The following GIPC2 variants were observed in gnomAD, a reference collection of about 807,000 sequenced individuals.
GIPC2 encodes the protein GIPC PDZ domain containing family member 2, also known as PDZ domain-containing protein GIPC2.
Under a neutral mutation model 30.6 loss-of-function variants are expected in GIPC2, and 30 were observed. The ratio of observed to expected loss-of-function variants is 0.98; its 90% CI spans 0.73 to 1.33. GIPC2 has a LOEUF of 1.33. Among genes scored for constraint, GIPC2 ranks in the 40% most tolerant of loss-of-function variants. GIPC2 has a pLI of 0.00. For synonymous variants in GIPC2, 167 were observed against 150.0 expected (o/e 1.11, Z -0.83); for missense variants, 414 against 390.3 (o/e 1.06, Z -0.51).
At chr1:78,046,402 TG>T (rs1033854111) in intron 1 of GIPC2, 68 bp downstream of exon 1, 109 of 1,422,064 alleles carry the variant, frequency 7.7e-5, no homozygotes, top group Non-Finnish European at 1.6e-5. Context: ...CGTATTTCTG[TG>T]GGCCCAGGAG....
At chr1:78,098,770 G>T (rs1034255812) in intron 3 of GIPC2, among the ~76,000 whole-genome samples, 1 of 152,084 alleles carries the variant, frequency 6.6e-6, no homozygotes, top group Non-Finnish European at 1.5e-5. Context: ...AATATGACTG[G>T]TGTACTTATT....
At position 78,053,148 on chromosome 1, in the gene GIPC2, A is replaced by G. The variant is rs1374275678; in HGVS notation, c.240+6814A>G. Among the ~76,000 whole-genome samples the G allele has an allele frequency of 2.0e-5, 3 of 152,210 alleles. No individual in the cohort carries two copies. The East Asian group carries it at 5.8e-4, about 29-fold the overall frequency. ...AAGTAAGCCCGTCAAAATTGAGTAG[A>G]AAAAGTGTGAGAAGCAGTCCCTGAC... On this transcript the variant is annotated intron_variant, in intron 1 of 5. Coordinates refer to ENST00000370759, the MANE Select transcript of GIPC2 (RefSeq NM_017655.6).
At chr1:78,072,311 A>T (rs931790291) in intron 1 of GIPC2, among the ~76,000 whole-genome samples, 26 of 152,228 alleles carry the variant, frequency 1.7e-4, no homozygotes, top group African/African-American at 6.3e-4. Flanking sequence ...TGGAAGTGGG[A>T]GCCAGTATCC....
intron 1 of GIPC2, among the ~76,000 whole-genome samples, chr1:78,058,634 C>G (rs1472954769): frequency 6.6e-6 from 1 of 152,046 alleles, no homozygotes; most frequent in Non-Finnish European, 1.5e-5. Context: ...AAAAATGCCT[C>G]CAGTTGTCAA....
chr1:78,117,115 A>G (rs1403281468), intron 3 of GIPC2, among the ~76,000 whole-genome samples: 3 of 152,244 alleles, frequency 2.0e-5, no homozygotes, highest in Admixed American at 2.0e-4. Context: ...AAGGGCTAAT[A>G]TGCAGAATCT....
chr1:78,097,383 T>C (rs1289068418), intron 3 of GIPC2, among the ~76,000 whole-genome samples: 1 of 152,146 alleles, frequency 6.6e-6, no homozygotes, highest in Non-Finnish European at 1.5e-5. Context: ...CTAAGTCACT[T>C]ATAGGATTTT....
intron 1 of GIPC2, among the ~76,000 whole-genome samples, chr1:78,068,562 C>T (rs1661562520): frequency 6.6e-6 from 1 of 152,164 alleles, no homozygotes; most frequent in Admixed American, 6.5e-5. Flanking sequence ...AACCCAGATG[C>T]TTCAGAGAGT....
chr1:78,115,654 G>T (rs998646877), intron 3 of GIPC2, among the ~76,000 whole-genome samples: 3 of 152,114 alleles, frequency 2.0e-5, no homozygotes, highest in African/African-American at 7.2e-5. Context: ...ACTATAACTG[G>T]CAAGGCCAAT....
rs1343968002 is a variant in GIPC2, at chr1:78,135,596, C to A, written c.801C>A (p.Thr267=). The A allele has an allele frequency of 6.5e-7, 1 of 1,548,376 alleles. No individual in the cohort carries two copies. The highest frequency in any genetic ancestry group is 1.4e-5 in the African/African-American group (1 of 73,254). ...YMGIRDIDLA[T]TMFEAGKDKV... The stretch of plus-strand genomic sequence containing the variant: ...TTTTAATATTATTTTTGATAGCCAC[C>A]ACAATGTTTGAAGCTGGAAAGGACA... The change falls in exon 6 of 6, where the codon ACC becomes ACA. Residue 267 remains threonine (T), a synonymous_variant. Coordinates refer to ENST00000370759, the MANE Select transcript of GIPC2 (RefSeq NM_017655.6).
At position 78,068,875 on chromosome 1, in the gene GIPC2, A is replaced by G. The variant is rs139677228; in HGVS notation, c.241-11800A>G. On this transcript the variant is annotated intron_variant, in intron 1 of 5. Coordinates refer to ENST00000370759, the MANE Select transcript of GIPC2 (RefSeq NM_017655.6). ...CCCAGACTGGAGCCAGGAGACTGGT[A>G]CTCCTCATCCTGGCTCTGGCTTGGT... 2.7e-4 allele frequency among the ~76,000 whole-genome samples: 41 copies of G among 152,100 alleles called. No individual in the cohort carries two copies. In the East Asian group the frequency reaches 7.5e-3, roughly 28 times the overall value.
At chr1:78,088,848 T>C (rs1661983825) in intron 2 of GIPC2, 1 of 148,146 alleles carries the variant, frequency 6.8e-6, no homozygotes, top group Non-Finnish European at 1.5e-5. Flanking sequence ...AAAAAAAAAG[T>C]CAAACTATAA....
chr1:78,096,491 G>A (rs1415021275), intron 3 of GIPC2, among the ~76,000 whole-genome samples: 2 of 135,550 alleles, frequency 1.5e-5, no homozygotes, highest in East Asian at 4.3e-4. Flanking sequence ...AAATTTTTCT[G>A]TTTTTTTTTT....
intron 1 of GIPC2, among the ~76,000 whole-genome samples, chr1:78,066,458 T>C (rs1571482580): frequency 6.6e-6 from 1 of 152,166 alleles, no homozygotes; most frequent in Non-Finnish European, 1.5e-5. Context: ...AGTTCAACCA[T>C]TGTGGAAGAC....
At chr1:78,112,565 C>A in intron 3 of GIPC2, 1 of 518,950 alleles carries the variant, frequency 1.9e-6, no homozygotes, top group Non-Finnish European at 3.8e-6. Context: ...GGGACCAGAA[C>A]AAGGCCTCGT....
intron 3 of GIPC2, among the ~76,000 whole-genome samples, chr1:78,109,638 G>A (rs1662424490): frequency 6.6e-6 from 1 of 151,948 alleles, no homozygotes. Context: ...TGTTACCTGG[G>A]ATATAGTCAA....
chr1:78,130,542 A>AT (rs1662874253), intron 5 of GIPC2, among the ~76,000 whole-genome samples: 1 of 152,188 alleles, frequency 6.6e-6, no homozygotes, highest in Admixed American at 6.5e-5. Flanking sequence ...TGACTTGTGA[A>AT]TTGTTTGAAA....
intron 2 of GIPC2, among the ~76,000 whole-genome samples, chr1:78,085,455 G>A (rs376877942): frequency 6.6e-6 from 1 of 152,096 alleles, no homozygotes; most frequent in South Asian, 2.1e-4. Context: ...GAATGAATTG[G>A]GGAGGAGTCC....
chr1:78,109,979 T>C (rs1223303164), intron 3 of GIPC2, among the ~76,000 whole-genome samples: 2 of 151,892 alleles, frequency 1.3e-5, no homozygotes, highest in Non-Finnish European at 2.9e-5. Flanking sequence ...TAGGTGGGAA[T>C]TGAACAATGA....
intron 1 of GIPC2, among the ~76,000 whole-genome samples, chr1:78,079,503 C>T (rs1268459110): frequency 1.3e-5 from 2 of 152,126 alleles, no homozygotes; most frequent in East Asian, 3.8e-4. Flanking sequence ...GGAATTAGGA[C>T]TGGTGTGAAA....
Sources: gnomAD v4.1 joint callset for allele counts (sites outside exome capture counted in the v4.1 genomes callset) on GRCh38, gnomAD v4.1.1 for gene constraint, MANE v1.5 for transcripts, NCBI Gene and HGNC (gene_info 2026-07-23, HGNC 2026-07-21) for gene names.